Variants in PTPRN2 observed in about 807,000 individuals in gnomAD.
PTPRN2 encodes protein tyrosine phosphatase receptor type N2, also known as receptor-type tyrosine-protein phosphatase N2.
In PTPRN2, 74 loss-of-function variants were observed where a neutral mutation model predicts 118.8. That is an observed-to-expected ratio of 0.62 (90% CI 0.52 to 0.76). The LOEUF is 0.76. PTPRN2 is among the 30% of genes least tolerant of loss of function. The probability of loss-of-function intolerance (pLI) is 0.00; values close to 1 mark genes in which losing one functional copy is unlikely to be tolerated. For synonymous variants in PTPRN2, 641 were observed against 608.0 expected (o/e 1.05, Z -0.80); for missense variants, 1,481 against 1,394.4 (o/e 1.06, Z -0.99).
rs1326950475 is a variant in PTPRN2 at position 157,874,875 on chromosome 7, A to G, written c.1788+23798T>C. ...CACACGGAGACACACTCGTGCACAT[A>G]CACACACGGAGACACACTCGTGCAC... On this transcript the variant is annotated intron_variant, in intron 12 of 22. Coordinates refer to ENST00000389418, the MANE Select transcript of PTPRN2 (RefSeq NM_002847.5). This position sits in a 1 kb window ranked among gnomAD's most constrained non-coding sequence, Gnocchi z 5.8. Among the ~76,000 whole-genome samples, 2 of 151,094 alleles carry G rather than the reference A, an allele frequency of 1.3e-5. No individual in the cohort carries two copies. Among genetic ancestry groups the G allele is most frequent in the African/African-American group, 2.4e-5 (1 of 41,284 alleles).
rs543595649 is a variant in PTPRN2 at position 157,696,036 on chromosome 7, T to G, written c.1789-13099A>C. On this transcript the variant is annotated intron_variant, in intron 12 of 22. Transcript: ENST00000389418. Reference sequence around the variant, plus strand: ...GGGTCTTGGCAGAGCCCTCACCATCTACCCATGCATACTGGGTCTTGGAAG... The same window carrying G: ...GGGTCTTGGCAGAGCCCTCACCATCGACCCATGCATACTGGGTCTTGGAAG... 8.9e-5 allele frequency among the ~76,000 whole-genome samples: 13 copies of G among 145,370 alleles called. No homozygotes were observed. The East Asian group carries it at 2.3e-3, about 26-fold the overall frequency.
At chr7:157,691,651 C>A (rs1002044264) in intron 12 of PTPRN2, among the ~76,000 whole-genome samples, 1 of 152,212 alleles carries the variant, frequency 6.6e-6, no homozygotes, top group African/African-American at 2.4e-5. Flanking sequence ...AAAACCCAGG[C>A]GTGCGAGCTG....
At chr7:158,353,947 C>T (rs1808194959) in intron 2 of PTPRN2, among the ~76,000 whole-genome samples, 1 of 152,220 alleles carries the variant, frequency 6.6e-6, no homozygotes, top group Non-Finnish European at 1.5e-5. Context: ...CTACTGTCCC[C>T]AGCCCTGGAA....
intron 11 of PTPRN2, among the ~76,000 whole-genome samples, chr7:157,899,636 C>T (rs980442864): frequency 4.8e-5 from 7 of 144,884 alleles, no homozygotes; most frequent in East Asian, 3.9e-4. Flanking sequence ...CTTATTGTAA[C>T]GCCCCTGTGT....
intron 2 of PTPRN2, among the ~76,000 whole-genome samples, chr7:158,484,264 A>G (rs1487624482): frequency 6.6e-6 from 1 of 151,876 alleles, no homozygotes; most frequent in Non-Finnish European, 1.5e-5. Context: ...CTCTGCCATC[A>G]CTTCCCATGC....
chr7:158,460,966 T>C (rs1399124742), intron 2 of PTPRN2, among the ~76,000 whole-genome samples: 1 of 152,154 alleles, frequency 6.6e-6, no homozygotes, highest in Non-Finnish European at 1.5e-5. Context: ...ATAAAGTTGG[T>C]TAGGAAAAAT....
intron 12 of PTPRN2, among the ~76,000 whole-genome samples, chr7:157,683,421 C>T (rs1455126755): frequency 1.3e-5 from 2 of 152,196 alleles, no homozygotes; most frequent in African/African-American, 4.8e-5. Flanking sequence ...AACAAAGGAA[C>T]GTGGGACTGG....
At chr7:158,324,711 G>A (rs537050546) in intron 2 of PTPRN2, among the ~76,000 whole-genome samples, 8 of 17,462 alleles carry the variant, frequency 4.6e-4, no homozygotes, top group Non-Finnish European at 1.2e-3. Flanking sequence ...CTGCTGCCCA[G>A]GGTGCCCCCA....
chr7:158,473,494 A>G (rs889965449), intron 2 of PTPRN2, among the ~76,000 whole-genome samples: 1 of 152,084 alleles, frequency 6.6e-6, no homozygotes, highest in African/African-American at 2.4e-5. Context: ...CGTATCAGAG[A>G]CCTCCAAGTG....
At chr7:157,926,264 C>T (rs78614206) in intron 11 of PTPRN2, among the ~76,000 whole-genome samples, 9 of 151,856 alleles carry the variant, frequency 5.9e-5, no homozygotes, top group South Asian at 2.1e-4. Flanking sequence ...TGAGGGTCCA[C>T]GCATTACATC....
intron 6 of PTPRN2, among the ~76,000 whole-genome samples, chr7:158,149,632 C>T (rs1302596642): frequency 1.3e-5 from 2 of 151,932 alleles, no homozygotes; most frequent in Non-Finnish European, 2.9e-5. Context: ...GTGGAAACCC[C>T]ATCTCTACTA....
chr7:157,877,043 CATATCT>C, intron 12 of PTPRN2, among the ~76,000 whole-genome samples: 1 of 152,112 alleles, frequency 6.6e-6, no homozygotes, highest in Non-Finnish European at 1.5e-5. Context: ...TCGGGGACCC[CATATCT>C]GAGTGCAGCA....
At chr7:158,062,578 G>A (rs1279244931) in intron 11 of PTPRN2, among the ~76,000 whole-genome samples, 2 of 151,110 alleles carry the variant, frequency 1.3e-5, no homozygotes, top group Admixed American at 6.6e-5. Flanking sequence ...GGAGGGAGAG[G>A]CACAGGCAGG....
chr7:158,164,789 A>C (rs1822777387), intron 6 of PTPRN2, among the ~76,000 whole-genome samples: 1 of 152,098 alleles, frequency 6.6e-6, no homozygotes, highest in African/African-American at 2.4e-5. Context: ...CACTAGAAGG[A>C]GTATAGAGGT....
chr7:157,815,583 G>T (rs1563138572), intron 12 of PTPRN2, among the ~76,000 whole-genome samples: 1 of 152,184 alleles, frequency 6.6e-6, no homozygotes. Context: ...ACATTTAGAT[G>T]ACGTCATGGG....
At chr7:157,961,987 T>G (rs1401653044) in intron 11 of PTPRN2, among the ~76,000 whole-genome samples, 1 of 152,140 alleles carries the variant, frequency 6.6e-6, no homozygotes, top group African/African-American at 2.4e-5. Context: ...GAAGAGCCAC[T>G]CTGTGTCCCA....
chr7:157,549,151 G>A (rs1389278268), intron 21 of PTPRN2, 132 bp from the exon 22 acceptor site: 13 of 848,390 alleles, frequency 1.5e-5, no homozygotes, highest in Non-Finnish European at 1.5e-5. Flanking sequence ...TCCCTCAGCC[G>A]GCTGGCAGGC....
At chr7:157,607,010 A>G (rs1358861887) in intron 15 of PTPRN2, among the ~76,000 whole-genome samples, 1 of 152,208 alleles carries the variant, frequency 6.6e-6, no homozygotes, top group African/African-American at 2.4e-5. Flanking sequence ...CACATGCTCT[A>G]TGCAGCTGAA....
chr7:157,929,199 G>A lies in PTPRN2; in HGVS notation c.1724-30462C>T, dbSNP rs1220645112. Among the ~76,000 whole-genome samples, 2 of 152,150 alleles carry A rather than the reference G, an allele frequency of 1.3e-5. No homozygotes were observed. Among genetic ancestry groups the A allele is most frequent in the East Asian group, 3.9e-4 (2 of 5,182 alleles). On this transcript the variant is annotated intron_variant, in intron 11 of 22. Coordinates refer to ENST00000389418, the MANE Select transcript of PTPRN2 (RefSeq NM_002847.5). The surrounding 1 kb of genome is among the most constrained non-coding windows in gnomAD (Gnocchi z 4.4). ...CATGCTGCGTTAGCAAATGCTGAAGGCAGGGTCGTCCCTGGCATGACCCCC... is the reference window on the plus strand; with the variant it reads ...CATGCTGCGTTAGCAAATGCTGAAGACAGGGTCGTCCCTGGCATGACCCCC...
Sources: allele counts gnomAD v4.1 joint callset (sites outside exome capture counted in the v4.1 genomes callset), GRCh38; gene constraint gnomAD v4.1.1; non-coding constraint Gnocchi (gnomAD v3.1); transcripts MANE v1.5; gene names NCBI Gene and HGNC (gene_info 2026-07-23, HGNC 2026-07-21).